Variants in UTY observed in about 807,000 individuals in gnomAD.
UTY encodes ubiquitously transcribed tetratricopeptide repeat containing, Y-linked, also known as histone demethylase UTY.
Under a neutral mutation model 32.5 loss-of-function variants are expected in UTY, and 12 were observed. The observed-to-expected ratio is 0.37, with a 90% CI of 0.24 to 0.60. The LOEUF is 0.60. UTY is among the 20% of genes least tolerant of loss of function. The pLI is 0.69. For missense variants in UTY, 303 were observed against 299.2 expected (o/e 1.01, Z -0.09); for synonymous variants, 131 against 103.4 (o/e 1.27, Z -1.62).
At chrY:13,266,910 G>A (rs2055866088) in intron 27 of UTY, among the ~76,000 whole-genome samples, 1 of 32,898 alleles carries the variant, frequency 3.0e-5, no homozygotes, top group Admixed American at 2.8e-4. Flanking sequence ...TTTCTGAGGT[G>A]TGTTTTACTT....
chrY:13,313,839 T>C (rs772673399), intron 21 of UTY, among the ~76,000 whole-genome samples: 85 of 33,428 alleles, frequency 2.5e-3, no homozygotes, highest in African/African-American at 9.5e-3. Flanking sequence ...AAATGTGGTG[T>C]ATACAGACAA....
intron 5 of UTY, among the ~76,000 whole-genome samples, chrY:13,413,633 T>A (rs751419420): frequency 2.9e-5 from 1 of 34,759 alleles, no homozygotes; most frequent in East Asian, 7.8e-4. Flanking sequence ...TCTCCAAATA[T>A]TTTCAGCGCC....
chrY:13,413,870 G>A (rs749331474), intron 5 of UTY, among the ~76,000 whole-genome samples: 2,919 of 33,853 alleles, frequency 0.086, no homozygotes, highest in Non-Finnish European at 0.03. Context: ...AAATCTGAGC[G>A]GGTACCATGA....
chrY:13,470,556 A>G, intron 2 of UTY, among the ~76,000 whole-genome samples: 4 of 32,999 alleles, frequency 1.2e-4, no homozygotes, highest in Non-Finnish European at 3.0e-4. Context: ...ACTTGAAGAT[A>G]TATCTTTTGA....
intron 17 of UTY, among the ~76,000 whole-genome samples, chrY:13,341,264 G>A: frequency 3.0e-5 from 1 of 33,288 alleles, no homozygotes; most frequent in Admixed American, 2.8e-4. Flanking sequence ...TGGCTACTAA[G>A]GTGTTTCTAA....
Position 13,251,103 on chromosome Y carries a change from T to C in UTY, c.4222A>G (p.Lys1408Glu). The C allele has an allele frequency of 2.5e-6, 1 of 398,671 alleles. No homozygotes were observed. The highest frequency in any genetic ancestry group is 3.0e-5 in the South Asian group (1 of 33,784). Reference sequence around the variant, plus strand: ...AAATTTTCCAAACTTTTGCTTGTTTTTCGTGCACAATCATGGCAATGTACT... The same window carrying C: ...AAATTTTCCAAACTTTTGCTTGTTTCTCGTGCACAATCATGGCAATGTACT... ...YIVHCHDCAR[K>E]TSKSLENFVV... Residue 1408 changes from lysine (K) to glutamate (E), a missense_variant, in exon 29 of 30, where the codon AAA (lysine) becomes GAA (glutamate). Physicochemically the swap from Lys to Glu is moderately conservative, Grantham distance 56. Transcript: ENST00000545955.
At chrY:13,295,920 G>C in intron 27 of UTY, among the ~76,000 whole-genome samples, 1 of 34,012 alleles carries the variant, frequency 2.9e-5, no homozygotes, top group Non-Finnish European at 7.3e-5. Flanking sequence ...CTGCTCTCAT[G>C]GGTTAAAGTT....
intron 4 of UTY, among the ~76,000 whole-genome samples, chrY:13,446,603 T>C (rs866154479): frequency 1.6e-4 from 4 of 24,534 alleles, no homozygotes; most frequent in African/African-American, 6.9e-4. Flanking sequence ...GATAGATAGA[T>C]AGATAGATAG....
chrY:13,250,218 C>T (rs2148336180), intron 29 of UTY, among the ~76,000 whole-genome samples: 1 of 33,260 alleles, frequency 3.0e-5, no homozygotes, highest in East Asian at 8.0e-4. Context: ...GGGGTTTCTC[C>T]ATGTTGGTTA....
In UTY at chrY:13,344,610, T is replaced by C. The variant is rs778860889; in HGVS notation, c.2062-8275A>G. Among the ~76,000 whole-genome samples the C allele has an allele frequency of 1.3e-3, 45 of 34,191 alleles. No homozygotes were observed. In the South Asian group the frequency reaches 0.023, roughly 17 times the overall value. The allele number at this position is 34,191 out of a possible 37,273, so 91.7% of individuals were successfully genotyped here. A position where few individuals can be genotyped will look rare whatever the true frequency, so the allele number is the denominator to read the frequency against. On this transcript the variant is annotated intron_variant, in intron 17 of 29. Coordinates refer to ENST00000545955, the MANE Select transcript of UTY (RefSeq NM_001258249.2). ...ACCAGGATCTTACTAAAGGGGATTATTCCTAGATTTGGACTGCCTCTAACT... is the reference window on the plus strand; with the variant it reads ...ACCAGGATCTTACTAAAGGGGATTACTCCTAGATTTGGACTGCCTCTAACT...
intron 21 of UTY, among the ~76,000 whole-genome samples, chrY:13,312,753 G>A (rs2059258931): frequency 9.6e-5 from 3 of 31,363 alleles, no homozygotes; most frequent in Non-Finnish European, 1.5e-4. Flanking sequence ...ATGAAAGTCC[G>A]TCTCAGAAAA....
At chrY:13,388,093 C>T (rs933371221) in intron 8 of UTY, among the ~76,000 whole-genome samples, 3 of 33,624 alleles carry the variant, frequency 8.9e-5, no homozygotes, top group African/African-American at 3.5e-4. Flanking sequence ...CTTCTGGATT[C>T]ATTTAGGTAA....
intron 17 of UTY, among the ~76,000 whole-genome samples, chrY:13,340,904 C>CA (rs2061444918): frequency 3.0e-5 from 1 of 33,494 alleles, no homozygotes; most frequent in East Asian, 7.8e-4. Context: ...AGGCTGTATG[C>CA]ATAAGCACTC....
intron 2 of UTY, among the ~76,000 whole-genome samples, chrY:13,478,276 G>A: frequency 3.0e-5 from 1 of 32,846 alleles, no homozygotes. Flanking sequence ...TTGGTGAGAG[G>A]GTAAAAAACG....
intron 6 of UTY, among the ~76,000 whole-genome samples, chrY:13,408,047 C>A (rs1020157643): frequency 3.1e-5 from 1 of 31,915 alleles, no homozygotes; most frequent in African/African-American, 1.2e-4. Context: ...TAATATTAGC[C>A]CTCTGATAGG....
chrY:13,444,343 C>A (rs2150003140), intron 4 of UTY, among the ~76,000 whole-genome samples: 1 of 33,154 alleles, frequency 3.0e-5, no homozygotes, highest in Admixed American at 2.7e-4. Context: ...ACTTGAAAAC[C>A]TAGAGAAAGG....
chrY:13,301,204 C>T (rs765655285), intron 25 of UTY, among the ~76,000 whole-genome samples: 9 of 32,366 alleles, frequency 2.8e-4, no homozygotes, highest in African/African-American at 1.1e-3. Context: ...TTCCCATAAA[C>T]TTTAAAAAGC....
chrY:13,403,490 CA>C (rs2069393079), intron 6 of UTY, among the ~76,000 whole-genome samples: 2 of 31,974 alleles, frequency 6.3e-5, no homozygotes, highest in Admixed American at 2.9e-4. Context: ...GATGGTGTTT[CA>C]CTCTGTTGGC....
At chrY:13,464,849 C>T in intron 3 of UTY, among the ~76,000 whole-genome samples, 1 of 33,147 alleles carries the variant, frequency 3.0e-5, no homozygotes, top group Non-Finnish European at 7.4e-5. Flanking sequence ...GAGGCCAAGG[C>T]GGGTGGATCA....
Sources: gnomAD v4.1 joint callset for allele counts (sites outside exome capture counted in the v4.1 genomes callset) on GRCh38, gnomAD v4.1.1 for gene constraint, MANE v1.5 for transcripts, NCBI Gene and HGNC (gene_info 2026-07-23, HGNC 2026-07-21) for gene names.